The following APBB2 variants were observed in gnomAD, a reference collection of about 807,000 sequenced individuals.
APBB2 encodes the protein amyloid beta precursor protein binding family B member 2.
In APBB2, 38 loss-of-function variants were observed where a neutral mutation model predicts 82.5. The observed-to-expected ratio is 0.46, with a 90% CI of 0.36 to 0.60. The LOEUF (loss-of-function observed/expected upper bound fraction) is 0.60. Ranked by LOEUF, APBB2 falls within the 20% of genes least tolerant of loss-of-function variation. APBB2 has a pLI of 0.00. For missense variants in APBB2, 772 were observed against 972.3 expected (o/e 0.79, Z 2.74); for synonymous variants, 341 against 368.2 (o/e 0.93, Z 0.85).
At chr4:40,982,727 G>C (rs1373827724) in intron 6 of APBB2, among the ~76,000 whole-genome samples, 1 of 151,618 alleles carries the variant, frequency 6.6e-6, no homozygotes, top group Non-Finnish European at 1.5e-5. Flanking sequence ...GGAAGTTGAG[G>C]TTGCAGTGAG....
At chr4:40,910,551 C>G (rs528322988) in intron 10 of APBB2, among the ~76,000 whole-genome samples, 107 of 152,262 alleles carry the variant, frequency 7.0e-4, no homozygotes, top group Non-Finnish European at 9.3e-4. Flanking sequence ...CAGCCCTAGT[C>G]TTGATTCCCC....
chr4:40,904,258 C>A (rs1196336246), intron 10 of APBB2, among the ~76,000 whole-genome samples: 2 of 152,042 alleles, frequency 1.3e-5, no homozygotes, highest in Non-Finnish European at 2.9e-5. Flanking sequence ...TGGCGAAACC[C>A]CGTTTCTACT....
chr4:40,834,675 C>T (rs1753235809), intron 12 of APBB2, among the ~76,000 whole-genome samples: 1 of 152,102 alleles, frequency 6.6e-6, no homozygotes, highest in Non-Finnish European at 1.5e-5. Flanking sequence ...CCCGCAAATT[C>T]ACAAGGGAAG....
At position 40,830,433 on chromosome 4, in the gene APBB2, G is replaced by C. The variant is rs554999504; in HGVS notation, c.1644+30C>G. The C allele has an allele frequency of 1.6e-4, 232 of 1,479,918 alleles. 3 individuals are homozygous for C. In the East Asian group the frequency reaches 5.2e-3, roughly 33 times the overall value. The allele number at this position is 1,479,918 out of a possible 1,614,324, so 91.7% of individuals were successfully genotyped here. On this transcript the variant is annotated intron_variant, in intron 13 of 17. Coordinates refer to ENST00000508593, the MANE Select transcript of APBB2 (RefSeq NM_004307.2). Reference sequence around the variant, plus strand: ...TTATGCAGCAAGAAAAAAAGAGAGAGGCGGCCCATACTGCCCTGACCCACC... The same window carrying C: ...TTATGCAGCAAGAAAAAAAGAGAGACGCGGCCCATACTGCCCTGACCCACC...
intron 4 of APBB2, among the ~76,000 whole-genome samples, chr4:41,039,227 C>G (rs1720423910): frequency 6.6e-6 from 1 of 152,128 alleles, no homozygotes; most frequent in Non-Finnish European, 1.5e-5. Flanking sequence ...ACAGGGTAGT[C>G]CTAAGGACTG....
At chr4:41,124,524 A>C (rs1270905122) in intron 2 of APBB2, among the ~76,000 whole-genome samples, 3 of 152,178 alleles carry the variant, frequency 2.0e-5, no homozygotes, top group African/African-American at 7.2e-5. Context: ...CAAGCATTTA[A>C]AAATGTAAAA....
At chr4:41,094,103 C>G (rs1416439926) in intron 3 of APBB2, among the ~76,000 whole-genome samples, 1 of 152,044 alleles carries the variant, frequency 6.6e-6, no homozygotes, top group Non-Finnish European at 1.5e-5. Context: ...TAAATGTATA[C>G]AATTTTTATT....
intron 10 of APBB2, among the ~76,000 whole-genome samples, chr4:40,932,220 C>G (rs982800263): frequency 1.3e-5 from 2 of 152,256 alleles, no homozygotes; most frequent in Non-Finnish European, 2.9e-5. Flanking sequence ...CACTGCTCCT[C>G]TTCCAGCCTT....
intron 2 of APBB2, among the ~76,000 whole-genome samples, chr4:41,121,941 G>A (rs886644805): frequency 5.3e-5 from 8 of 151,906 alleles, no homozygotes; most frequent in African/African-American, 1.9e-4. Flanking sequence ...ATGTGTGTGT[G>A]TCTGAAACAG....
chr4:41,131,094 A>G (rs558654527), intron 2 of APBB2, among the ~76,000 whole-genome samples: 1 of 152,338 alleles, frequency 6.6e-6, no homozygotes, highest in South Asian at 2.1e-4. Context: ...CCAACACATT[A>G]AAAGTATGGG....
intron 6 of APBB2, among the ~76,000 whole-genome samples, chr4:40,959,085 T>C (rs558299814): frequency 6.6e-6 from 1 of 152,326 alleles, no homozygotes; most frequent in East Asian, 1.9e-4. Context: ...GACTACCTAG[T>C]CACTCGTCCT....
chr4:40,943,332 T>C (rs1024356014), intron 7 of APBB2, among the ~76,000 whole-genome samples: 10 of 152,118 alleles, frequency 6.6e-5, no homozygotes, highest in Non-Finnish European at 1.2e-4. Flanking sequence ...GGCTAAAGGT[T>C]TGGAATAGGG....
chr4:40,968,569 T>C (rs1795224922), intron 6 of APBB2, among the ~76,000 whole-genome samples: 1 of 152,100 alleles, frequency 6.6e-6, no homozygotes, highest in Non-Finnish European at 1.5e-5. Context: ...CAATATGGCT[T>C]CTCCTCTCTT....
intron 10 of APBB2, among the ~76,000 whole-genome samples, chr4:40,928,249 T>C (rs996714041): frequency 1.3e-5 from 2 of 152,238 alleles, no homozygotes; most frequent in Non-Finnish European, 2.9e-5. Flanking sequence ...CAGATAGTTC[T>C]GAAGTTAAGG....
intron 13 of APBB2, among the ~76,000 whole-genome samples, chr4:40,827,774 G>A (rs1226586496): frequency 2.0e-5 from 3 of 152,172 alleles, no homozygotes; most frequent in African/African-American, 4.8e-5. Context: ...AGTGTGTCAC[G>A]CATAGGGAAG....
chr4:40,967,630 G>A (rs1794987436), intron 6 of APBB2, among the ~76,000 whole-genome samples: 1 of 152,214 alleles, frequency 6.6e-6, no homozygotes, highest in Non-Finnish European at 1.5e-5. Flanking sequence ...TGTGTGCAGT[G>A]GCCGGACCCC....
At chr4:41,178,531 G>T (rs995504778) in intron 1 of APBB2, among the ~76,000 whole-genome samples, 8 of 152,182 alleles carry the variant, frequency 5.3e-5, no homozygotes, top group African/African-American at 1.4e-4. Context: ...ACCCTCCACT[G>T]TACTGCCACC....
chr4:40,986,970 C>T (rs1800569979), intron 6 of APBB2, among the ~76,000 whole-genome samples: 1 of 152,188 alleles, frequency 6.6e-6, no homozygotes, highest in African/African-American at 2.4e-5. Flanking sequence ...GTGCTATTCT[C>T]ATCAGAAAGT....
chr4:40,972,759 A>T (rs56410670), intron 6 of APBB2, among the ~76,000 whole-genome samples: 1,816 of 152,334 alleles, frequency 0.012, 40 homozygotes, highest in African/African-American at 0.042. Flanking sequence ...AACGAATCCC[A>T]TGAAGTTTTA....
Sources: allele counts gnomAD v4.1 joint callset (sites outside exome capture counted in the v4.1 genomes callset), GRCh38; gene constraint gnomAD v4.1.1; transcripts MANE v1.5; gene names NCBI Gene and HGNC (gene_info 2026-07-23, HGNC 2026-07-21).